TULP4: variants seen among roughly 807,000 people sequenced by gnomAD.
The protein encoded by TULP4 is tubby-related protein 4.
TULP4 carries 16 observed loss-of-function variants against 129.0 expected under a neutral mutation model. The ratio of observed to expected loss-of-function variants is 0.12; its 90% CI spans 0.08 to 0.19. The LOEUF (loss-of-function observed/expected upper bound fraction) is 0.19, where lower values mean the gene tolerates loss of function less well. Among genes scored for constraint, TULP4 ranks in the 10% least tolerant of loss-of-function variants. The probability of loss-of-function intolerance (pLI) is 1.00; values close to 1 mark genes in which losing one functional copy is unlikely to be tolerated. For missense variants in TULP4, 1,842 were observed against 2,059.1 expected (o/e 0.89, Z 2.04); for synonymous variants, 998 against 854.0 (o/e 1.17, Z -2.94).
At chr6:158,264,792 C>G (rs1778420415) in intron 1 of TULP4, among the ~76,000 whole-genome samples, 1 of 152,194 alleles carries the variant, frequency 6.6e-6, no homozygotes. Flanking sequence ...CTCCATGCCT[C>G]TAAGTTCTAC....
chr6:158,449,209 C>A, intron 4 of TULP4, 33 bp downstream of exon 4: 2 of 1,586,406 alleles, frequency 1.3e-6, no homozygotes, highest in East Asian at 2.2e-5. Flanking sequence ...TTGTCACTGA[C>A]CAGAAGGACA....
intron 6 of TULP4, among the ~76,000 whole-genome samples, chr6:158,463,669 A>AT (rs1562577342): frequency 1.1e-4 from 15 of 140,548 alleles, no homozygotes; most frequent in Admixed American, 2.1e-4. Context: ...TATATATATA[A>AT]AAAGAAAAAA....
intron 1 of TULP4, among the ~76,000 whole-genome samples, chr6:158,396,526 A>G (rs570735840): frequency 6.6e-6 from 1 of 152,334 alleles, no homozygotes; most frequent in African/African-American, 2.4e-5. Flanking sequence ...ACAAGGAATT[A>G]ATTAGTATGA....
intron 1 of TULP4, among the ~76,000 whole-genome samples, chr6:158,365,007 T>C (rs1453188771): frequency 2.0e-5 from 3 of 152,050 alleles, no homozygotes; most frequent in Non-Finnish European, 4.4e-5. Flanking sequence ...AGTGCTGGGA[T>C]TACAGGCGTG....
intron 9 of TULP4, among the ~76,000 whole-genome samples, chr6:158,490,118 C>T (rs528222379): frequency 1.3e-5 from 2 of 152,338 alleles, no homozygotes; most frequent in Admixed American, 1.3e-4. Flanking sequence ...AATGCTGGAG[C>T]CGGGCACAGT....
chr6:158,285,088 C>G (rs2128468067), intron 1 of TULP4, among the ~76,000 whole-genome samples: 1 of 152,316 alleles, frequency 6.6e-6, no homozygotes, highest in Non-Finnish European at 1.5e-5. Flanking sequence ...CAGAGCTTCA[C>G]ACCCTCACTC....
intron 8 of TULP4, chr6:158,481,666 C>T (rs1371669924): frequency 1.7e-5 from 4 of 240,610 alleles, no homozygotes; most frequent in Non-Finnish European, 3.3e-5. Flanking sequence ...CAGTCCCTAC[C>T]CTCCCAGAGT....
At chr6:158,321,860 A>T (rs1217153999) in intron 1 of TULP4, among the ~76,000 whole-genome samples, 1 of 152,356 alleles carries the variant, frequency 6.6e-6, no homozygotes, top group African/African-American at 2.4e-5. Context: ...CTTCTAAAGT[A>T]CTTTTCTTTT....
chr6:158,335,178 G>A (rs1009891801), intron 1 of TULP4, among the ~76,000 whole-genome samples: 7 of 151,572 alleles, frequency 4.6e-5, no homozygotes, highest in Non-Finnish European at 7.4e-5. Context: ...TTGGGAGGCT[G>A]AGGAAGGAGA....
intron 6 of TULP4, among the ~76,000 whole-genome samples, chr6:158,474,980 C>T (rs1226148098): frequency 2.0e-5 from 3 of 152,204 alleles, no homozygotes; most frequent in Non-Finnish European, 4.4e-5. Flanking sequence ...TTGTCAGTCC[C>T]CTTATAACTA....
At chr6:158,441,176 C>T (rs1432111721) in intron 3 of TULP4, among the ~76,000 whole-genome samples, 1 of 151,918 alleles carries the variant, frequency 6.6e-6, no homozygotes, top group Non-Finnish European at 1.5e-5. Context: ...TACCCAGGCA[C>T]GATGGTGCAC....
At chr6:158,432,428 A>G in intron 3 of TULP4, among the ~76,000 whole-genome samples, 1 of 152,212 alleles carries the variant, frequency 6.6e-6, no homozygotes, top group Non-Finnish European at 1.5e-5. Flanking sequence ...AAGCCGGATG[A>G]GTCTCTTCCT....
chr6:158,240,794 G>T (rs978854846), intron 1 of TULP4, among the ~76,000 whole-genome samples: 2 of 146,644 alleles, frequency 1.4e-5, no homozygotes, highest in Admixed American at 6.8e-5. Context: ...CCAGGCGGGG[G>T]GCTGAACCCC....
At chr6:158,421,795 C>T (rs341145) in intron 2 of TULP4, among the ~76,000 whole-genome samples, 41,916 of 151,976 alleles carry the variant, frequency 0.28, 6,450 homozygotes, top group Middle Eastern at 0.35. Flanking sequence ...TGTAATGTTA[C>T]GCCAGAGTGA....
At chr6:158,461,411 C>G (rs933324336) in intron 5 of TULP4, 152 bp from the exon 6 acceptor site, 6 of 553,074 alleles carry the variant, frequency 1.1e-5, no homozygotes, top group Non-Finnish European at 1.6e-5. Flanking sequence ...AACTCCGTCT[C>G]AAAAAAAAAA....
At chr6:158,365,692 C>T (rs1178902293) in intron 1 of TULP4, among the ~76,000 whole-genome samples, 5 of 151,476 alleles carry the variant, frequency 3.3e-5, no homozygotes, top group Non-Finnish European at 5.9e-5. Flanking sequence ...AATAGGGTCT[C>T]GATCTCCTGA....
intron 1 of TULP4, among the ~76,000 whole-genome samples, chr6:158,357,510 G>A (rs1258883521): frequency 6.6e-6 from 1 of 152,260 alleles, no homozygotes; most frequent in Non-Finnish European, 1.5e-5. Flanking sequence ...AATGACTATA[G>A]TAAGCCAGCA....
At chr6:158,393,277 T>C (rs1408189397) in intron 1 of TULP4, among the ~76,000 whole-genome samples, 2 of 152,218 alleles carry the variant, frequency 1.3e-5, no homozygotes, top group Non-Finnish European at 2.9e-5. Flanking sequence ...CCATGGCTGC[T>C]TTCATGGACT....
chr6:158,340,623 T>A (rs1780158458), intron 1 of TULP4, among the ~76,000 whole-genome samples: 1 of 152,134 alleles, frequency 6.6e-6, no homozygotes, highest in African/African-American at 2.4e-5. Flanking sequence ...TGGAGTTCCC[T>A]CCTCAAGATG....
Sources: gnomAD v4.1 joint callset for allele counts (sites outside exome capture counted in the v4.1 genomes callset) on GRCh38, gnomAD v4.1.1 for gene constraint, MANE v1.5 for transcripts, NCBI Gene and HGNC (gene_info 2026-07-23, HGNC 2026-07-21) for gene names.